TMC3: variants seen among roughly 807,000 people sequenced by gnomAD.
The protein encoded by TMC3 is transmembrane channel-like protein 3.
A neutral mutation model predicts 110.6 loss-of-function variants in TMC3; 98 were observed. The ratio of observed to expected loss-of-function variants is 0.89; its 90% CI spans 0.75 to 1.05. TMC3 has a LOEUF of 1.05. Among genes scored for constraint, TMC3 ranks in the 50% least tolerant of loss-of-function variants. The pLI, the probability that TMC3 is intolerant of heterozygous loss-of-function variation, is 0.00. For synonymous variants in TMC3, 489 were observed against 513.1 expected (o/e 0.95, Z 0.63); for missense variants, 1,319 against 1,373.2 (o/e 0.96, Z 0.62).
Position 81,333,093 on chromosome 15 carries a change from C to T in TMC3, c.2629G>A (p.Ala877Thr), listed in dbSNP as rs375704035. The change falls in exon 22 of 22, where the codon GCA becomes ACA. Residue 877 changes from alanine (A) to threonine (T), a missense_variant. Ala to Thr is a moderately conservative substitution (Grantham distance 58). Transcript: ENST00000359440. ...GGGGCGTGGGGCCTGGGACCCTGTG[C>T]CAGCAAAGTCGAGGCCTGTGGTCCA... The part of the protein sequence containing the change: ...HRGPQASTLL[A>T]QGPRPHAPRY... 4.2e-5 allele frequency: 67 copies of T among 1,613,846 alleles called. No individual in the cohort carries two copies. The African/African-American group carries it at 7.2e-4, about 17-fold the overall frequency.
chr15:81,357,079 C>G lies in TMC3; in HGVS notation c.744-485G>C, dbSNP rs532166888. 2.6e-5 allele frequency among the ~76,000 whole-genome samples: 4 copies of G among 152,230 alleles called. No homozygotes were observed. In the South Asian group the frequency reaches 8.3e-4, roughly 32 times the overall value. ...TCATCAACCCTCCTTAGGTGAAACT[C>G]TCCCTACTTTTTAGAGCCTTTCTCC... On this transcript the variant is annotated intron_variant, in intron 7 of 21. Transcript: ENST00000359440.
At chr15:81,338,808 A>G (rs1893651971) in intron 17 of TMC3, 28 bp from the exon 18 acceptor site, 1 of 1,611,188 alleles carries the variant, frequency 6.2e-7, no homozygotes, top group Admixed American at 1.7e-5. Context: ...ATAACTCCAG[A>G]TTTTATTGCT....
intron 19 of TMC3, 84 bp downstream of exon 19, chr15:81,337,762 A>T: frequency 8.4e-7 from 1 of 1,185,430 alleles, no homozygotes; most frequent in Non-Finnish European, 1.2e-6. Context: ...TGAAGATGTG[A>T]CTTCACTTGT....
rs923617905 is a variant in TMC3, at chr15:81,359,449, G to A, written c.417C>T (p.Ala139=). 3.1e-6 allele frequency: 5 copies of A among 1,598,352 alleles called. No individual in the cohort carries two copies. Among genetic ancestry groups the A allele is most frequent in the South Asian group, 1.1e-5 (1 of 87,340 alleles). The change falls in exon 5 of 22, where the codon GCC becomes GCT. Residue 139 remains alanine (A), a synonymous_variant. Transcript: ENST00000359440. ...KIESHFGSGV[A]SYFIFLRWLF... is the part of the protein sequence containing the mutation. ...ACCATCTCAAGAATATGAAATAGGA[G>A]GCAACGCCAGATCCAAAATGACCTA...
At chr15:81,364,711 AAAT>A (rs1165100931) in intron 3 of TMC3, among the ~76,000 whole-genome samples, 27 of 142,442 alleles carry the variant, frequency 1.9e-4, no homozygotes, top group Admixed American at 6.3e-4. Context: ...AAAAAAAAAA[AAAT>A]AAAAAATAAA....
Position 81,364,930 on chromosome 15 carries a change from A to G in TMC3, c.313-2629T>C, listed in dbSNP as rs550530410. 2.0e-3 allele frequency among the ~76,000 whole-genome samples: 309 copies of G among 150,750 alleles called. 1 individual carries two copies. The highest frequency in any genetic ancestry group is 7.2e-3 in the African/African-American group (297 of 41,338). On this transcript the variant is annotated intron_variant, in intron 3 of 21. Transcript: ENST00000359440. Reference sequence around the variant, plus strand: ...AATTTTTTGAAAAAGGTTTTCTGCCATAAACCAGGGGCCTATATATGCTTA... The same window carrying G: ...AATTTTTTGAAAAAGGTTTTCTGCCGTAAACCAGGGGCCTATATATGCTTA...
At chr15:81,367,543 A>G (rs1456671812) in intron 3 of TMC3, among the ~76,000 whole-genome samples, 1 of 152,234 alleles carries the variant, frequency 6.6e-6, no homozygotes, top group African/African-American at 2.4e-5. Flanking sequence ...AAAAATAACA[A>G]ACAAAAACCT....
chr15:81,349,355 G>T (rs2141705486), intron 11 of TMC3, 103 bp downstream of exon 11: 1 of 609,588 alleles, frequency 1.6e-6, no homozygotes, highest in Non-Finnish European at 2.5e-6. Flanking sequence ...CTGATTGTCT[G>T]AGAGAAAAGA....
At position 81,338,760 on chromosome 15, in the gene TMC3, T is replaced by C; in HGVS notation, c.1976A>G (p.Asp659Gly). The C allele has an allele frequency of 6.2e-7, 1 of 1,613,860 alleles. No individual in the cohort carries two copies. Among genetic ancestry groups the C allele is most frequent in the South Asian group, 1.1e-5 (1 of 91,068 alleles). Reference sequence around the variant, plus strand: ...TTTCTCAATCGTTTCTGACACAATGTCATAAATTTTCTCTTGTCCACTGTG... The same window carrying C: ...TTTCTCAATCGTTTCTGACACAATGCCATAAATTTTCTCTTGTCCACTGTG... ...GPFSGQEKIY[D>G]IVSETIEKDF... The change falls in exon 18 of 22, where the codon GAC becomes GGC. Residue 659 changes from aspartate (D) to glycine (G), a missense_variant. Coordinates refer to ENST00000359440, the MANE Select transcript of TMC3 (RefSeq NM_001080532.3).
intron 3 of TMC3, among the ~76,000 whole-genome samples, chr15:81,363,396 A>G (rs1894234773): frequency 6.6e-6 from 1 of 152,276 alleles, no homozygotes; most frequent in East Asian, 1.9e-4. Flanking sequence ...TTTAACACAC[A>G]AACAATCTGG....
rs915775744 is a variant in TMC3, at chr15:81,343,983, G to C, written c.1581C>G (p.Asp527Glu). The C allele has an allele frequency of 1.9e-6, 3 of 1,613,264 alleles. No homozygotes were observed. The African/African-American group carries it at 4.0e-5, about 22-fold the overall frequency. ...ACCGCACGAAAAGTCCTCGGAAGAAGTCTATGAGCAGAATGCTCGCCACGG... is the reference window on the plus strand; with the variant it reads ...ACCGCACGAAAAGTCCTCGGAAGAACTCTATGAGCAGAATGCTCGCCACGG... Reference protein sequence around the residue: ...LFTVASILLIDFFRGLFVRYL... With the variant: ...LFTVASILLIEFFRGLFVRYL... Residue 527 changes from aspartate (D) to glutamate (E), a missense_variant, in exon 14 of 22, where the codon GAC becomes GAG. By Grantham distance (45) the Asp-to-Glu change is conservative (BLOSUM62 2). Transcript: ENST00000359440.
At chr15:81,340,418 C>T (rs1016254193) in intron 16 of TMC3, among the ~76,000 whole-genome samples, 1 of 152,110 alleles carries the variant, frequency 6.6e-6, no homozygotes, top group East Asian at 1.9e-4. Flanking sequence ...CAAAACATAT[C>T]TCTGAATGTA....
In TMC3 at chr15:81,338,893, G is replaced by T. The variant is rs1258947840; in HGVS notation, c.1956-113C>A. 4.7e-5 allele frequency: 53 copies of T among 1,129,794 alleles called. No individual in the cohort carries two copies. In the Admixed American group the frequency reaches 1.0e-3, roughly 22 times the overall value. The allele number at this position is 1,129,794 out of a possible 1,614,324, so 70.0% of individuals were successfully genotyped here. On this transcript the variant is annotated intron_variant, in intron 17 of 21. Coordinates refer to ENST00000359440, the MANE Select transcript of TMC3 (RefSeq NM_001080532.3). ...GGCCAATTCATAACATTCCTCAAAT[G>T]ATTTCATATCTAATTAATATGGAGG...
intron 2 of TMC3, among the ~76,000 whole-genome samples, chr15:81,370,462 G>A (rs556698552): frequency 6.6e-5 from 10 of 152,128 alleles, no homozygotes; most frequent in African/African-American, 1.9e-4. Context: ...ACACATGGCC[G>A]GTGTCAGCCA....
chr15:81,349,414 C>A, intron 11 of TMC3, 44 bp downstream of exon 11: 2 of 1,315,234 alleles, frequency 1.5e-6, no homozygotes, highest in South Asian at 1.9e-5. Context: ...TGGGTGGGCA[C>A]ATGGGTGAGC....
intron 1 of TMC3, among the ~76,000 whole-genome samples, chr15:81,373,389 A>G (rs1036738708): frequency 4.6e-5 from 7 of 152,226 alleles, no homozygotes; most frequent in Admixed American, 4.6e-4. Context: ...TCCCAGTTAC[A>G]CTTAATATGC....
At chr15:81,341,921 G>C (rs1173546105) in intron 15 of TMC3, among the ~76,000 whole-genome samples, 2 of 152,150 alleles carry the variant, frequency 1.3e-5, no homozygotes, top group African/African-American at 2.4e-5. Flanking sequence ...TGGGCACCTA[G>C]TTTTGCTGGA....
rs750242425 is a variant in TMC3, at chr15:81,341,460, G to T, written c.1774C>A (p.Leu592Ile). 8 of 1,611,570 alleles carry T rather than the reference G, an allele frequency of 5.0e-6. No homozygotes were observed. The highest frequency in any genetic ancestry group is 6.8e-6 in the Non-Finnish European group (8 of 1,178,788). The change falls in exon 16 of 22, where the codon CTC (leucine) becomes ATC (isoleucine). Residue 592 changes from leucine to isoleucine, a missense_variant. By Grantham distance (5) the Leu-to-Ile change is conservative. Coordinates refer to ENST00000359440, the MANE Select transcript of TMC3 (RefSeq NM_001080532.3). ...PAFNVLKLIG[L>I]MYLRSWAVLT... Reference sequence around the variant, plus strand: ...ACAGCCCAGCTTCTCAGGTACATGAGCCCAATGAGTTTGAGAACGTTGAAC... The same window carrying T: ...ACAGCCCAGCTTCTCAGGTACATGATCCCAATGAGTTTGAGAACGTTGAAC...
intron 2 of TMC3, among the ~76,000 whole-genome samples, chr15:81,369,088 G>A (rs975524968): frequency 6.6e-6 from 1 of 151,910 alleles, no homozygotes; most frequent in African/African-American, 2.4e-5. Context: ...TCTGATGGTC[G>A]GATGCCCTCT....
Sources: allele counts gnomAD v4.1 joint callset (sites outside exome capture counted in the v4.1 genomes callset), GRCh38; gene constraint gnomAD v4.1.1; transcripts MANE v1.5; gene names NCBI Gene and HGNC (gene_info 2026-07-23, HGNC 2026-07-21).